HEPH: variants seen among roughly 807,000 people sequenced by gnomAD.
HEPH encodes hephaestin.
A neutral mutation model predicts 80.8 loss-of-function variants in HEPH; 69 were observed. The ratio of observed to expected loss-of-function variants is 0.85; its 90% CI spans 0.70 to 1.04. HEPH has a LOEUF of 1.04. Ranked by LOEUF, HEPH falls within the 50% of genes least tolerant of loss-of-function variation. HEPH has a pLI of 0.00. For missense variants in HEPH, 1,115 were observed against 891.3 expected (o/e 1.25, Z -3.20); for synonymous variants, 431 against 322.8 (o/e 1.34, Z -3.60).
rs2088392017 is a variant in HEPH at position 66,200,728 on chromosome X, G to A, written c.2053G>A (p.Ala685Thr). The change falls in exon 12 of 21, where the codon GCC becomes ACC. Residue 685 changes from alanine to threonine, a missense_variant. Transcript: ENST00000343002. ...AMLFPHTFVM[A>T]IMQPDNLGTF... Reference sequence around the variant, plus strand: ...GCTCTTTCCTCATACCTTTGTCATGGCCATCATGCAGCCTGACAACCTTGG... The same window carrying A: ...GCTCTTTCCTCATACCTTTGTCATGACCATCATGCAGCCTGACAACCTTGG... 1.7e-6 allele frequency: 2 copies of A among 1,210,509 alleles called. No individual in the cohort carries two copies. Among genetic ancestry groups the A allele is most frequent in the African/African-American group, 1.7e-5 (1 of 57,777 alleles).
chrX:66,264,831 T>C (rs1462649073), intron 20 of HEPH, among the ~76,000 whole-genome samples: 1 of 106,098 alleles, frequency 9.4e-6, no homozygotes, highest in Non-Finnish European at 1.9e-5. Context: ...TTTATATATA[T>C]TTTAAATATT....
At chrX:66,179,037 T>C (rs1282851428) in intron 4 of HEPH, among the ~76,000 whole-genome samples, 1 of 111,885 alleles carries the variant, frequency 8.9e-6, no homozygotes, top group African/African-American at 3.2e-5. Flanking sequence ...ATGTCCTAAA[T>C]GGTATTGCCT....
intron 15 of HEPH, among the ~76,000 whole-genome samples, chrX:66,211,991 G>A (rs1415538549): frequency 9.1e-6 from 1 of 110,495 alleles, no homozygotes; most frequent in African/African-American, 3.3e-5. Context: ...ATCCTTGCCA[G>A]CATCTGTCAT....
chrX:66,194,977 A>T, intron 8 of HEPH, 121 bp from the exon 9 acceptor site: 1 of 533,892 alleles, frequency 1.9e-6, no homozygotes. Flanking sequence ...ATTACAAAGA[A>T]AAGTTTTTTA....
At chrX:66,179,926 G>C (rs1025918890) in intron 4 of HEPH, among the ~76,000 whole-genome samples, 3 of 110,887 alleles carry the variant, frequency 2.7e-5, no homozygotes, top group African/African-American at 9.8e-5. Context: ...GTTTCCTTTT[G>C]CACGAAATGC....
At chrX:66,174,355 G>A (rs1258410049) in intron 4 of HEPH, among the ~76,000 whole-genome samples, 4 of 111,701 alleles carry the variant, frequency 3.6e-5, no homozygotes, top group African/African-American at 1.3e-4. Context: ...CCTTTTTATT[G>A]CTGAGTAGTA....
intron 15 of HEPH, among the ~76,000 whole-genome samples, chrX:66,239,133 G>A (rs960787169): frequency 8.9e-6 from 1 of 112,126 alleles, no homozygotes; most frequent in African/African-American, 3.2e-5. Flanking sequence ...CCAGTTTATG[G>A]CCAGATTTTT....
chrX:66,231,349 T>A (rs1358334690), intron 15 of HEPH, among the ~76,000 whole-genome samples: 31 of 103,718 alleles, frequency 3.0e-4, no homozygotes, highest in Admixed American at 1.3e-3. Context: ...TGGCATTGAA[T>A]CTGTAAATTA....
In HEPH at chrX:66,226,894, A is replaced by G. The variant is rs767863680; in HGVS notation, c.2563+18648A>G. On this transcript the variant is annotated intron_variant, in intron 15 of 20. Coordinates refer to ENST00000343002, the MANE Select transcript of HEPH (RefSeq NM_001367233.3). The stretch of plus-strand genomic sequence containing the variant: ...GTACCCATGTTATTGACACTATTCC[A>G]AAATACAGAGAAAGATGGAATCCTC... Among the ~76,000 whole-genome samples, 3 of 111,919 alleles carry G rather than the reference A, an allele frequency of 2.7e-5. No individual in the cohort carries two copies. In the East Asian group the frequency reaches 8.4e-4, roughly 31 times the overall value.
intron 4 of HEPH, among the ~76,000 whole-genome samples, chrX:66,186,240 G>A (rs1244277504): frequency 2.1e-5 from 2 of 97,327 alleles, no homozygotes; most frequent in Non-Finnish European, 4.0e-5. Context: ...CCCAGTTCGA[G>A]CTTCCAGGCT....
intron 15 of HEPH, among the ~76,000 whole-genome samples, chrX:66,235,680 G>C (rs1397628355): frequency 9.0e-6 from 1 of 111,126 alleles, no homozygotes; most frequent in Non-Finnish European, 1.9e-5. Context: ...GAACTATTTG[G>C]GCTCTTTTTG....
At chrX:66,233,300 C>A (rs1225078383) in intron 15 of HEPH, among the ~76,000 whole-genome samples, 1 of 111,602 alleles carries the variant, frequency 9.0e-6, no homozygotes, top group African/African-American at 3.3e-5. Context: ...TCCTGAAAGG[C>A]ATCCATCACT....
At chrX:66,223,517 G>A (rs1045860443) in intron 15 of HEPH, among the ~76,000 whole-genome samples, 2 of 110,785 alleles carry the variant, frequency 1.8e-5, no homozygotes, top group East Asian at 2.8e-4. Context: ...TTTTAATGTC[G>A]GACCATAAGG....
intron 20 of HEPH, 95 bp from the exon 21 acceptor site, chrX:66,266,345 G>A: frequency 1.6e-6 from 1 of 608,562 alleles, no homozygotes; most frequent in South Asian, 2.8e-5. Context: ...TGTCCTATTT[G>A]GATTGACTTG....
chrX:66,215,818 G>A (rs761701310), intron 15 of HEPH, among the ~76,000 whole-genome samples: 41 of 112,059 alleles, frequency 3.7e-4, no homozygotes, highest in African/African-American at 1.3e-3. Context: ...TGCTTTCTCA[G>A]TTGGGAGGCT....
At chrX:66,256,462 A>T (rs2091186869) in intron 17 of HEPH, 132 bp downstream of exon 17, 1 of 469,226 alleles carries the variant, frequency 2.1e-6, no homozygotes, top group Non-Finnish European at 3.6e-6. Context: ...TGAAATGGGG[A>T]TGAGTTAGAA....
intron 15 of HEPH, among the ~76,000 whole-genome samples, chrX:66,221,993 T>C (rs746279192): frequency 7.1e-5 from 8 of 112,620 alleles, no homozygotes; most frequent in Non-Finnish European, 1.5e-4. Context: ...GTGAAAGGGA[T>C]AGCCAATTGG....
intron 15 of HEPH, among the ~76,000 whole-genome samples, chrX:66,210,886 G>T (rs1234507609): frequency 9.0e-6 from 1 of 111,436 alleles, no homozygotes; most frequent in Non-Finnish European, 1.9e-5. Context: ...CAGGAAGCAG[G>T]GGGCAGTTTT....
chrX:66,240,639 A>T (rs7887070), intron 15 of HEPH, among the ~76,000 whole-genome samples: 10,717 of 110,827 alleles, frequency 0.097, 1,249 homozygotes, highest in African/African-American at 0.33. Flanking sequence ...AAGAAAAGTT[A>T]TAGCAATTTT....
Sources: allele counts gnomAD v4.1 joint callset (sites outside exome capture counted in the v4.1 genomes callset), GRCh38; gene constraint gnomAD v4.1.1; transcripts MANE v1.5; gene names NCBI Gene and HGNC (gene_info 2026-07-23, HGNC 2026-07-21).